Variants in TXK observed in about 807,000 individuals in gnomAD.
The protein encoded by TXK is tyrosine-protein kinase TXK.
In TXK, 60 loss-of-function variants were observed where a neutral mutation model predicts 81.0. The observed-to-expected ratio is 0.74, with a 90% CI of 0.60 to 0.92. The LOEUF is 0.92. TXK is among the 40% of genes least tolerant of loss of function. TXK has a pLI of 0.00. For missense variants in TXK, 581 were observed against 638.3 expected, an observed-to-expected ratio of 0.91 and a Z score of 0.97; for synonymous variants, 203 against 210.7, an observed-to-expected ratio of 0.96 and a Z score of 0.32.
intron 10 of TXK, among the ~76,000 whole-genome samples, chr4:48,081,791 T>C (rs1490830708): frequency 6.6e-6 from 1 of 152,162 alleles, no homozygotes; most frequent in Admixed American, 6.5e-5. Flanking sequence ...AAATCCAACA[T>C]GTCCAAAGCA....
chr4:48,121,393 T>G (rs1305348890), intron 1 of TXK, among the ~76,000 whole-genome samples: 1 of 152,200 alleles, frequency 6.6e-6, no homozygotes, highest in Admixed American at 6.5e-5. Context: ...TAGTCATCCT[T>G]GACTCCTCTC....
intron 1 of TXK, among the ~76,000 whole-genome samples, chr4:48,132,975 C>G (rs918090126): frequency 5.9e-5 from 9 of 151,850 alleles, no homozygotes; most frequent in African/African-American, 2.2e-4. Context: ...ATACTTAAAT[C>G]CTGCGTCTGA....
chr4:48,108,771 A>T (rs1460346829), intron 5 of TXK, among the ~76,000 whole-genome samples: 1 of 152,226 alleles, frequency 6.6e-6, no homozygotes, highest in Non-Finnish European at 1.5e-5. Context: ...TAGCAGTTGT[A>T]GCCCCAGAGT....
intron 10 of TXK, among the ~76,000 whole-genome samples, chr4:48,085,138 TC>T (rs1297334484): frequency 6.6e-6 from 1 of 152,202 alleles, no homozygotes; most frequent in Non-Finnish European, 1.5e-5. Context: ...CCTGTCCTGG[TC>T]CTGCTCAGGT....
intron 1 of TXK, among the ~76,000 whole-genome samples, chr4:48,120,070 CAT>C (rs543814890): frequency 4.9e-4 from 5 of 10,252 alleles, no homozygotes; most frequent in South Asian, 0.01. Context: ...GGATCATCAG[CAT>C]ATATATACAC....
chr4:48,125,351 T>C (rs1356923554), intron 1 of TXK, among the ~76,000 whole-genome samples: 2 of 152,218 alleles, frequency 1.3e-5, no homozygotes, highest in Admixed American at 6.5e-5. Flanking sequence ...AGCAACTATT[T>C]ATTGGGTACT....
rs547038947 is a variant in TXK, at chr4:48,086,611, A to G, written c.811T>C (p.Leu271=). 2.5e-6 allele frequency: 4 copies of G among 1,614,048 alleles called. No individual in the cohort carries two copies. The African/African-American group carries it at 4.0e-5, about 16-fold the overall frequency. Residue 271 remains leucine (L), a synonymous_variant, in exon 10 of 15, where the codon TTG becomes CTG. Transcript: ENST00000264316. ...YEKWEIDPSE[L]AFIKEIGSGQ... ...CTTCCAATCTCCTTTATAAAAGCCA[A>G]CTCAGATGGATCTATCTCCCACTTT...
chr4:48,130,111 A>C (rs1039111415), intron 1 of TXK, among the ~76,000 whole-genome samples: 1 of 152,228 alleles, frequency 6.6e-6, no homozygotes, highest in Non-Finnish European at 1.5e-5. Context: ...AGACACATCT[A>C]GTGTCCATTT....
At chr4:48,099,682 C>T (rs1718113953) in intron 6 of TXK, among the ~76,000 whole-genome samples, 1 of 152,098 alleles carries the variant, frequency 6.6e-6, no homozygotes, top group Non-Finnish European at 1.5e-5. Context: ...GTACTTAAAA[C>T]AGTGTAGTAG....
At position 48,110,579 on chromosome 4, in the gene TXK, G is replaced by A. The variant is rs1363216271; in HGVS notation, c.405C>T (p.Asn135=). ...RLGNEGLIPS[N]YVTENKITNL... ...TAGTTATTTTGTTTTCAGTCACATA[G>A]TTGCTTGGGATTAAGCCTTCATTCC... Residue 135 remains asparagine (N), a synonymous_variant, in exon 5 of 15, where the codon AAC becomes AAT. Coordinates refer to ENST00000264316, the MANE Select transcript of TXK (RefSeq NM_003328.3). 2 of 1,612,178 alleles carry A rather than the reference G, an allele frequency of 1.2e-6. No homozygotes were observed. The highest frequency in any genetic ancestry group is 1.7e-5 in the Admixed American group (1 of 59,896).
rs781456907 is a variant in TXK at position 48,076,463 on chromosome 4, C to T, written c.1177G>A (p.Ala393Thr). Residue 393 changes from alanine to threonine, a missense_variant, in exon 12 of 15, where the codon GCA becomes ACA. Transcript: ENST00000264316. ...RNGYIHRDLA[A>T]RNCLVSSTCI... ...GTTGAACTGACCAAACAATTCCTTG[C>T]CGCCTATGGAAAGAAGAAAAGAATC... 9 of 1,609,500 alleles carry T rather than the reference C, an allele frequency of 5.6e-6. No individual in the cohort carries two copies. The highest frequency in any genetic ancestry group is 1.1e-5 in the South Asian group (1 of 89,614).
At chr4:48,098,978 C>T (rs1451723227) in intron 6 of TXK, among the ~76,000 whole-genome samples, 9 of 151,982 alleles carry the variant, frequency 5.9e-5, no homozygotes. Context: ...GAAATAATGC[C>T]CACTAACTAT....
intron 1 of TXK, among the ~76,000 whole-genome samples, chr4:48,133,036 T>C (rs1392260962): frequency 6.6e-6 from 1 of 152,214 alleles, no homozygotes; most frequent in Non-Finnish European, 1.5e-5. Context: ...CACAATTTTC[T>C]TATTGGCTAG....
intron 10 of TXK, among the ~76,000 whole-genome samples, chr4:48,085,357 G>A (rs1233080002): frequency 6.6e-6 from 1 of 151,948 alleles, no homozygotes; most frequent in Admixed American, 6.6e-5. Flanking sequence ...CAAGAGATGA[G>A]TAGTGTATCA....
At chr4:48,067,866 C>T (rs941635547) in intron 14 of TXK, among the ~76,000 whole-genome samples, 161 bp from the exon 15 acceptor site, 1 of 152,118 alleles carries the variant, frequency 6.6e-6, no homozygotes, top group Non-Finnish European at 1.5e-5. Context: ...AAAATTGCCA[C>T]CTGCGGCATA....
At chr4:48,121,944 A>T (rs576060124) in intron 1 of TXK, among the ~76,000 whole-genome samples, 65 of 152,278 alleles carry the variant, frequency 4.3e-4, no homozygotes, top group Admixed American at 1.9e-3. Context: ...TGATATATAT[A>T]TTTCAACACA....
intron 5 of TXK, 112 bp downstream of exon 5, chr4:48,110,426 G>A (rs1414078574): frequency 1.4e-6 from 1 of 694,112 alleles, no homozygotes; most frequent in Non-Finnish European, 2.5e-6. Context: ...TATTATTAAC[G>A]CTGTCAAATG....
intron 11 of TXK, among the ~76,000 whole-genome samples, chr4:48,078,248 A>T (rs1717147231): frequency 6.6e-6 from 1 of 152,194 alleles, no homozygotes. Flanking sequence ...GTAAATAATT[A>T]ACTATTGGGT....
intron 1 of TXK, among the ~76,000 whole-genome samples, chr4:48,130,236 T>C (rs1719216564): frequency 6.6e-6 from 1 of 152,214 alleles, no homozygotes; most frequent in Admixed American, 6.5e-5. Context: ...TAGTTATCTA[T>C]TGTTGGAAAC....
Sources: allele counts gnomAD v4.1 joint callset (sites outside exome capture counted in the v4.1 genomes callset), GRCh38; gene constraint gnomAD v4.1.1; transcripts MANE v1.5; gene names NCBI Gene and HGNC (gene_info 2026-07-23, HGNC 2026-07-21).